Variants in HMX1 observed in about 807,000 individuals in gnomAD.
HMX1 encodes the protein H6 family homeobox 1.
HMX1 carries 8 observed loss-of-function variants against 8.9 expected under a neutral mutation model. The ratio of observed to expected loss-of-function variants is 0.90; its 90% CI spans 0.53 to 1.63. HMX1 has a LOEUF of 1.63. Ranked by LOEUF, HMX1 falls within the 40% of genes most tolerant of loss-of-function variation. The pLI is 0.00. For missense variants in HMX1, 621 were observed against 558.5 expected (o/e 1.11, Z -1.13); for synonymous variants, 311 against 283.4 (o/e 1.10, Z -0.98).
In HMX1 at chr4:8,853,463, T is replaced by C. The variant is rs968923763; in HGVS notation, c.395-7139A>G. Among the ~76,000 whole-genome samples, 3 of 152,214 alleles carry C rather than the reference T, an allele frequency of 2.0e-5. No homozygotes were observed. The highest frequency in any genetic ancestry group is 4.8e-5 in the African/African-American group (2 of 41,450). ...ATGCTCACTGGTCAGAACCACATCA[T>C]GTGACCGGGCTGAGCTGCAAGGGAG... On this transcript the variant is annotated intron_variant, in intron 1 of 1. Coordinates refer to the HMX1 transcript ENST00000506970. This position sits in a 1 kb window ranked among gnomAD's most constrained non-coding sequence, Gnocchi z 4.7.
rs948823490 is a variant in HMX1 at position 8,853,745 on chromosome 4, G to A, written c.395-7421C>T. ...TGGGCCCCTGTAATCTCAGCTACTC[G>A]GGGAGGCTGAGACAGGAGAATTGTT... On this transcript the variant is annotated intron_variant, in intron 1 of 1. Coordinates refer to the HMX1 transcript ENST00000506970. This position sits in a 1 kb window ranked among gnomAD's most constrained non-coding sequence, Gnocchi z 4.7. Among the ~76,000 whole-genome samples, 2 of 151,844 alleles carry A rather than the reference G, an allele frequency of 1.3e-5. No homozygotes were observed. Among genetic ancestry groups the A allele is most frequent in the Non-Finnish European group, 2.9e-5 (2 of 67,974 alleles).
rs1553815968 is a variant in HMX1, at chr4:8,860,960, C to CGGGGGCGAGGGCGGGGGA, written c.394+10243_394+10260dup. The CGGGGGCGAGGGCGGGGGA allele has an allele frequency of 2.4e-3, 80 of 32,890 alleles. 1 individual carries two copies. The highest frequency in any genetic ancestry group is 4.6e-3 in the Non-Finnish European group (74 of 16,180). The allele number at this position is 32,890 out of a possible 1,614,324, so 2.0% of individuals were successfully genotyped here. The stretch of plus-strand genomic sequence containing the variant: ...AGACGCCAGGTGAGCCGGGCGGGGG[C>CGGGGGCGAGGGCGGGGGA]GGGGGCGAGGGCGGGGGAGGGGGCG... On this transcript the variant is annotated intron_variant, in intron 1 of 1. Coordinates refer to the HMX1 transcript ENST00000506970.
chr4:8,852,815 C>T (rs962774231), intron 1 of HMX1, among the ~76,000 whole-genome samples: 12 of 152,176 alleles, frequency 7.9e-5, no homozygotes, highest in South Asian at 4.1e-4. Flanking sequence ...GCCAGAGAAA[C>T]GAAAGCAGAA....
At chr4:8,850,563 G>C (rs1721415497) in intron 1 of HMX1, among the ~76,000 whole-genome samples, 1 of 151,984 alleles carries the variant, frequency 6.6e-6, no homozygotes, top group African/African-American at 2.4e-5. Flanking sequence ...GGCCTCTCAG[G>C]CTCCCACAGC....
chr4:8,864,906 T>C (rs1721947243), downstream of HMX1, among the ~76,000 whole-genome samples: 1 of 152,204 alleles, frequency 6.6e-6, no homozygotes, highest in South Asian at 2.1e-4. Flanking sequence ...ATTAATTCTA[T>C]CGAAAGACAC....
At chr4:8,846,987 C>A (rs141977503) in intron 1 of HMX1, among the ~76,000 whole-genome samples, 1 of 152,208 alleles carries the variant, frequency 6.6e-6, no homozygotes, top group South Asian at 2.1e-4. Context: ...TAGGGGTTCC[C>A]TGTGTGCAAA....
intron 1 of HMX1, chr4:8,860,976 G>T (rs1307084874): frequency 6.6e-6 from 1 of 150,760 alleles, no homozygotes; most frequent in Non-Finnish European, 1.5e-5. Flanking sequence ...CGAGGGCGGG[G>T]GAGGGGGCGG....
In HMX1 at chr4:8,870,070, T is replaced by C. The variant is rs892539680; in HGVS notation, c.394+1151A>G. On this transcript the variant is annotated intron_variant, in intron 1 of 1. Transcript: ENST00000400677. This position sits in a 1 kb window ranked among gnomAD's most constrained non-coding sequence, Gnocchi z 4.4. Reference sequence around the variant, plus strand: ...TTTTGCAAAGGATCACTCCACGACATGGAAAGGGTTATCTAACAAGTGAGT... The same window carrying C: ...TTTTGCAAAGGATCACTCCACGACACGGAAAGGGTTATCTAACAAGTGAGT... Among the ~76,000 whole-genome samples, 2 of 151,744 alleles carry C rather than the reference T, an allele frequency of 1.3e-5. No individual in the cohort carries two copies. The highest frequency in any genetic ancestry group is 2.9e-5 in the Non-Finnish European group (2 of 67,956).
At position 8,851,207 on chromosome 4, in the gene HMX1, G is replaced by A. The variant is rs369549714; in HGVS notation, c.395-4883C>T. 1.3e-3 allele frequency among the ~76,000 whole-genome samples: 203 copies of A among 152,348 alleles called. 5 individuals are homozygous for A. The South Asian group carries it at 0.041, about 30-fold the overall frequency. On this transcript the variant is annotated intron_variant, in intron 1 of 1. Coordinates refer to the HMX1 transcript ENST00000506970. ...GGTTTGGGGCCTTACAACACAGGAAGGACAGGCTGGGATCTGAAGAGGGTT... is the reference window on the plus strand; with the variant it reads ...GGTTTGGGGCCTTACAACACAGGAAAGACAGGCTGGGATCTGAAGAGGGTT...
intron 1 of HMX1, chr4:8,846,463 C>A: frequency 1.6e-6 from 1 of 625,524 alleles, no homozygotes; most frequent in East Asian, 2.9e-5. Context: ...ACTACAGGGA[C>A]CTAGGACTCC....
chr4:8,849,064 C>T lies in HMX1; in HGVS notation c.395-2740G>A, dbSNP rs999166349. Among the ~76,000 whole-genome samples, 8 of 152,038 alleles carry T rather than the reference C, an allele frequency of 5.3e-5. No individual in the cohort carries two copies. The highest frequency in any genetic ancestry group is 1.2e-4 in the Non-Finnish European group (8 of 68,020). ...GGGGGGTGGGCCTCCTCCCCCTGCC[C>T]GCTGCTCCATCGTGGACGTCTTCTC... On this transcript the variant is annotated intron_variant, in intron 1 of 1. Coordinates refer to the HMX1 transcript ENST00000506970. This position sits in a 1 kb window ranked among gnomAD's most constrained non-coding sequence, Gnocchi z 6.6.
In HMX1 at chr4:8,855,704, G is replaced by A. The variant is rs556554070; in HGVS notation, c.395-9380C>T. ...CCCAGTCTGTGCTTGGGTGTGAACC[G>A]GGAGTGAAATGTGACCCAGAAGTCG... On this transcript the variant is annotated intron_variant, in intron 1 of 1. Transcript: ENST00000506970. Among the ~76,000 whole-genome samples, 8 of 152,300 alleles carry A rather than the reference G, an allele frequency of 5.3e-5. No individual in the cohort carries two copies. In the East Asian group the frequency reaches 9.6e-4, roughly 18 times the overall value.
downstream of HMX1, among the ~76,000 whole-genome samples, chr4:8,863,265 C>T (rs1721890414): frequency 6.6e-6 from 1 of 152,250 alleles, no homozygotes; most frequent in African/African-American, 2.4e-5. Context: ...TCCTGCCCCT[C>T]TCAGAACCCC....
chr4:8,850,536 C>T (rs1469481242), intron 1 of HMX1, among the ~76,000 whole-genome samples: 1 of 152,118 alleles, frequency 6.6e-6, no homozygotes, highest in Non-Finnish European at 1.5e-5. Flanking sequence ...CCTCCCTGGC[C>T]AGCTCCCTGG....
chr4:8,848,154 T>C lies in HMX1; in HGVS notation c.395-1830A>G, dbSNP rs978306482. Among the ~76,000 whole-genome samples, 3 of 152,228 alleles carry C rather than the reference T, an allele frequency of 2.0e-5. No homozygotes were observed. Among genetic ancestry groups the C allele is most frequent in the South Asian group, 2.1e-4 (1 of 4,832 alleles). The stretch of plus-strand genomic sequence containing the variant: ...CAGATCAAGTATTTCCAATAAAACT[T>C]CGGCATCTGAATGGAGATGTGCTGT... On this transcript the variant is annotated intron_variant, in intron 1 of 1. Transcript: ENST00000506970. This position sits in a 1 kb window ranked among gnomAD's most constrained non-coding sequence, Gnocchi z 4.1.
In HMX1 at chr4:8,868,104, G is replaced by T. The variant is rs769019561; in HGVS notation, c.636C>A (p.Arg212=). 33 of 1,514,392 alleles carry T rather than the reference G, an allele frequency of 2.2e-5. No individual in the cohort carries two copies. In the Admixed American group the frequency reaches 3.5e-4, roughly 16 times the overall value. The allele number at this position is 1,514,392 out of a possible 1,614,324, so 93.8% of individuals were successfully genotyped here. Residue 212 remains arginine, a synonymous_variant, in exon 2 of 2, where the codon CGC becomes CGA. Coordinates refer to ENST00000400677, the MANE Select transcript of HMX1 (RefSeq NM_018942.3). This position sits in a 1 kb window ranked among gnomAD's most constrained non-coding sequence, Gnocchi z 4.6. ...RKKKTRTVFS[R]SQVFQLESTF... is the part of the protein sequence containing the mutation. ...TGGATTCCAGCTGGAAGACCTGGCT[G>T]CGGGAGAAGACTGTGCGCGTCTTCT... is the stretch of plus-strand genomic sequence containing the variant.
At chr4:8,858,509 TCCTTTGAGTC>T (rs933325381) in intron 1 of HMX1, among the ~76,000 whole-genome samples, 1 of 152,040 alleles carries the variant, frequency 6.6e-6, no homozygotes, top group African/African-American at 2.4e-5. Flanking sequence ...CTATTTGAGC[TCCTTTGAGTC>T]CGGCAGGAGG....
In HMX1 at chr4:8,871,244, T is replaced by C; in HGVS notation, c.371A>G (p.Tyr124Cys). The part of the protein sequence containing the change: ...ARWYPRAHGG[Y>C]GGGLSPDTSD... Reference sequence around the variant, plus strand: ...ACTGTCAGGACTGAGGCCGCCTCCATAGCCACCGTGCGCCCGTGGGTACCA... The same window carrying C: ...ACTGTCAGGACTGAGGCCGCCTCCACAGCCACCGTGCGCCCGTGGGTACCA... Residue 124 changes from tyrosine to cysteine, a missense_variant, in exon 1 of 2, where the codon TAT becomes TGT. Coordinates refer to ENST00000400677, the MANE Select transcript of HMX1 (RefSeq NM_018942.3). This position sits in a 1 kb window ranked among gnomAD's most constrained non-coding sequence, Gnocchi z 4.8. 1 of 1,482,446 alleles carries C rather than the reference T, an allele frequency of 6.7e-7. No individual in the cohort carries two copies. Among genetic ancestry groups the C allele is most frequent in the Non-Finnish European group, 8.9e-7 (1 of 1,122,558 alleles). The allele number at this position is 1,482,446 out of a possible 1,614,324, so 91.8% of individuals were successfully genotyped here.
rs1379335845 is a variant in HMX1, at chr4:8,853,139, G to A, written c.395-6815C>T. 6.6e-6 allele frequency among the ~76,000 whole-genome samples: 1 copy of A among 152,160 alleles called. No individual in the cohort carries two copies. Among genetic ancestry groups the A allele is most frequent in the Non-Finnish European group, 1.5e-5 (1 of 68,030 alleles). ...CAAGAGCCTCCTGTATTAGGGTATT[G>A]ACTCTATTTCTTAAATGGAAGCCAA... On this transcript the variant is annotated intron_variant, in intron 1 of 1. Coordinates refer to the HMX1 transcript ENST00000506970. This position sits in a 1 kb window ranked among gnomAD's most constrained non-coding sequence, Gnocchi z 4.7.
Sources: allele counts gnomAD v4.1 joint callset (sites outside exome capture counted in the v4.1 genomes callset), GRCh38; gene constraint gnomAD v4.1.1; non-coding constraint Gnocchi (gnomAD v3.1); transcripts MANE v1.5; gene names NCBI Gene and HGNC (gene_info 2026-07-23, HGNC 2026-07-21).